Variants in PAQR3 observed in about 807,000 individuals in gnomAD.
The protein encoded by PAQR3 is progestin and adipoQ receptor family member 3.
PAQR3 carries 39 observed loss-of-function variants against 41.7 expected under a neutral mutation model. That is an observed-to-expected ratio of 0.93 (90% confidence interval 0.72 to 1.22). PAQR3 has a LOEUF of 1.22. PAQR3 is among the 50% of genes most tolerant of loss of function. The pLI is 0.00. For missense variants in PAQR3, 366 were observed against 385.6 expected (o/e 0.95, Z 0.42); for synonymous variants, 140 against 140.6 (o/e 1.00, Z 0.03).
At chr4:78,910,153 CAAAT>C (rs1480931535), downstream of PAQR3, among the ~76,000 whole-genome samples, 2 of 152,130 alleles carry the variant, frequency 1.3e-5, no homozygotes, top group Non-Finnish European at 1.5e-5. Flanking sequence ...AATAGTGAAA[CAAAT>C]ACGTAACTGA....
In PAQR3 at chr4:78,939,395, G is replaced by A. The variant is rs1296373346; in HGVS notation, c.-171C>T. ...CGGCTCTGCGCTCACACCGGCCACT[G>A]CCGCCAGCGCCGCGGCGGACCCGGC... On this transcript the variant is annotated 5_prime_UTR_variant, in exon 1 of 6. Transcript: ENST00000512733. 5.3e-6 allele frequency: 2 copies of A among 376,138 alleles called. No individual in the cohort carries two copies. Among genetic ancestry groups the A allele is most frequent in the Non-Finnish European group, 8.4e-6 (2 of 237,626 alleles). 23.3% of individuals were successfully genotyped at this position (376,138 alleles called of 1,614,324 possible).
rs1472145935 is a variant in PAQR3, at chr4:78,919,080, A to G, written c.*1459T>C. 7.1e-6 allele frequency: 7 copies of G among 984,924 alleles called. No homozygotes were observed. The highest frequency in any genetic ancestry group is 8.4e-6 in the Non-Finnish European group (7 of 829,730). 61.0% of individuals were successfully genotyped at this position (984,924 alleles called of 1,614,324 possible). ...AGCATGGGGAATTTATATTCCAAAA[A>G]CACTACACTGGAAAAGAAACACAAC... On this transcript the variant is annotated 3_prime_UTR_variant, in exon 6 of 6. Transcript: ENST00000512733.
rs1449917660 is a variant in PAQR3, at chr4:78,935,272, A to G, written c.197T>C (p.Leu66Ser). The change falls in exon 2 of 6, where the codon TTA becomes TCA. Residue 66 changes from leucine to serine, a missense_variant. By Grantham distance (145) the Leu-to-Ser change is moderately radical. Coordinates refer to ENST00000512733, the MANE Select transcript of PAQR3 (RefSeq NM_001040202.2). ...SRLCIKSLFI[L>S]SNETVNIWSH... ...CCAGATGTTTACTGTCTCATTAGATAAAATAAACAAACTGGAAAATAAACA... is the reference window on the plus strand; with the variant it reads ...CCAGATGTTTACTGTCTCATTAGATGAAATAAACAAACTGGAAAATAAACA... 1.9e-6 allele frequency: 3 copies of G among 1,608,676 alleles called. No individual in the cohort carries two copies. In the African/African-American group the frequency reaches 4.0e-5, roughly 22 times the overall value.
intron 11 of PAQR3, among the ~76,000 whole-genome samples, chr4:78,889,194 C>G (rs1733282114): frequency 7.2e-6 from 1 of 138,090 alleles, no homozygotes; most frequent in African/African-American, 2.8e-5. Flanking sequence ...GCACTCCAAC[C>G]TGGGCGATAG....
intron 11 of PAQR3, among the ~76,000 whole-genome samples, chr4:78,902,024 T>A (rs180707233): frequency 6.6e-6 from 1 of 151,954 alleles, no homozygotes; most frequent in Non-Finnish European, 1.5e-5. Flanking sequence ...ATTTACAGAT[T>A]GTCAGTCCAA....
chr4:78,934,943 A>G (rs1244574868), intron 2 of PAQR3, among the ~76,000 whole-genome samples, 178 bp downstream of exon 2: 1 of 152,214 alleles, frequency 6.6e-6, no homozygotes, highest in African/African-American at 2.4e-5. Flanking sequence ...ATGGATTTCA[A>G]ACATACTCTC....
At chr4:78,930,523 A>G in intron 2 of PAQR3, 198 bp from the exon 3 acceptor site, 1 of 394,012 alleles carries the variant, frequency 2.5e-6, no homozygotes, top group Admixed American at 4.4e-5. Context: ...GGAAAGCCTC[A>G]GTTCCCTCAT....
intron 11 of PAQR3, among the ~76,000 whole-genome samples, chr4:78,900,834 T>G (rs1733961518): frequency 6.6e-6 from 1 of 152,226 alleles, no homozygotes; most frequent in Non-Finnish European, 1.5e-5. Context: ...ATTGTATCAA[T>G]AATCTGTTTG....
At chr4:78,938,173 G>T (rs991811142) in intron 1 of PAQR3, among the ~76,000 whole-genome samples, 36 of 152,322 alleles carry the variant, frequency 2.4e-4, no homozygotes, top group African/African-American at 7.5e-4. Context: ...TGGCACTAGG[G>T]TTTGCCACTA....
Position 78,912,789 on chromosome 4 carries a change from G to A in PAQR3, c.*7750C>T, listed in dbSNP as rs1390233093. The stretch of plus-strand genomic sequence containing the variant: ...CAAATTAAAAAAATGGACTATCGTC[G>A]CACAGAAGCCTAGAACAAAAATATG... On this transcript the variant is annotated 3_prime_UTR_variant, in exon 6 of 6. Transcript: ENST00000512733. The A allele has an allele frequency of 9.9e-5, 15 of 151,534 alleles. No homozygotes were observed. The highest frequency in any genetic ancestry group is 1.9e-4 in the East Asian group (1 of 5,144). 9.4% of individuals were successfully genotyped at this position (151,534 alleles called of 1,614,324 possible). A position where few individuals can be genotyped will look rare whatever the true frequency, so the allele number is the denominator to read the frequency against.
chr4:78,929,945 C>A lies in PAQR3; in HGVS notation c.504+225G>T, dbSNP rs529353752. ...GTCTACATTAAGTTTCAGAAAATAACTGTATATATATTTTCCAATAGAAAA... is the reference window on the plus strand; with the variant it reads ...GTCTACATTAAGTTTCAGAAAATAAATGTATATATATTTTCCAATAGAAAA... On this transcript the variant is annotated intron_variant, in intron 3 of 5. Transcript: ENST00000512733. 1.7e-4 allele frequency among the ~76,000 whole-genome samples: 26 copies of A among 152,096 alleles called. No individual in the cohort carries two copies. In the East Asian group the frequency reaches 5.0e-3, roughly 29 times the overall value.
chr4:78,910,964 A>T (rs774691327), downstream of PAQR3: 10 of 1,613,666 alleles, frequency 6.2e-6, no homozygotes, highest in Admixed American at 1.3e-4. Context: ...GATTCTGATT[A>T]TGAGCAGGCT....
intron 1 of PAQR3, among the ~76,000 whole-genome samples, chr4:78,938,221 C>A (rs1737637210): frequency 6.6e-6 from 1 of 152,234 alleles, no homozygotes; most frequent in Non-Finnish European, 1.5e-5. Context: ...TATCTTAATT[C>A]TCCTGAAGCA....
chr4:78,938,958 C>G lies in PAQR3; in HGVS notation c.185+82G>C, dbSNP rs1241121190. 8 of 1,331,740 alleles carry G rather than the reference C, an allele frequency of 6.0e-6. No homozygotes were observed. In the African/African-American group the frequency reaches 1.1e-4, roughly 18 times the overall value. The allele number at this position is 1,331,740 out of a possible 1,614,324, so 82.5% of individuals were successfully genotyped here. A position where few individuals can be genotyped will look rare whatever the true frequency, so the allele number is the denominator to read the frequency against. The stretch of plus-strand genomic sequence containing the variant: ...AGGAAATGATGGGCAAGCAGAAAGG[C>G]GGGGAAAGCAGAAGGGGGACCAGAC... On this transcript the variant is annotated intron_variant, in intron 1 of 5. Transcript: ENST00000512733.
Position 78,939,192 on chromosome 4 carries a change from G to A in PAQR3, c.33C>T (p.Tyr11=). 3 of 1,609,378 alleles carry A rather than the reference G, an allele frequency of 1.9e-6. No individual in the cohort carries two copies. The highest frequency in any genetic ancestry group is 2.5e-6 in the Non-Finnish European group (3 of 1,178,026). Residue 11 remains tyrosine, a synonymous_variant, in exon 1 of 6, where the codon TAC becomes TAT. Coordinates refer to ENST00000512733, the MANE Select transcript of PAQR3 (RefSeq NM_001040202.2). ...AGTACTGGTAGCTGCCCAGCTCGAT[G>A]TAATGCGCGCTCTTCAGCAGCTTCT... is the stretch of plus-strand genomic sequence containing the variant. The part of the protein sequence containing the change: MHQKLLKSAH[Y]IELGSYQYWP...
At chr4:78,921,301 A>T (rs140439515) in intron 5 of PAQR3, among the ~76,000 whole-genome samples, 1 of 151,910 alleles carries the variant, frequency 6.6e-6, no homozygotes, top group Non-Finnish European at 1.5e-5. Context: ...AGAAGATTAA[A>T]CAATTAACAT....
At chr4:78,911,664 A>T, downstream of PAQR3, 1 of 1,613,786 alleles carries the variant, frequency 6.2e-7, no homozygotes, top group Non-Finnish European at 8.5e-7. Flanking sequence ...TAACCATCTC[A>T]GACTCCAAGG....
intron 5 of PAQR3, chr4:78,922,548 A>G (rs1578012216): frequency 1.3e-6 from 1 of 758,980 alleles, no homozygotes; most frequent in East Asian, 6.4e-5. Flanking sequence ...GACCCATGCC[A>G]AAACTTACCT....
At chr4:78,933,083 TC>T in intron 2 of PAQR3, 1 of 442,838 alleles carries the variant, frequency 2.3e-6, no homozygotes, top group South Asian at 1.6e-5. Flanking sequence ...TACCTGCAAG[TC>T]CAGAAAGTGC....
Sources: gnomAD v4.1 joint callset for allele counts (sites outside exome capture counted in the v4.1 genomes callset) on GRCh38, gnomAD v4.1.1 for gene constraint, MANE v1.5 for transcripts, NCBI Gene and HGNC (gene_info 2026-07-23, HGNC 2026-07-21) for gene names.